The following EFCAB12 variants were observed in gnomAD, a reference collection of about 807,000 sequenced individuals.
EFCAB12 encodes EF-hand calcium-binding domain-containing protein 12.
A neutral mutation model predicts 53.6 loss-of-function variants in EFCAB12; 43 were observed. The observed-to-expected ratio is 0.80, with a 90% CI of 0.63 to 1.03. The LOEUF (loss-of-function observed/expected upper bound fraction) is 1.03, where lower values mean the gene tolerates loss of function less well. EFCAB12 is among the 50% of genes least tolerant of loss of function. The pLI, the probability that EFCAB12 is intolerant of heterozygous loss-of-function variation, is 0.00. For synonymous variants in EFCAB12, 269 were observed against 289.2 expected (o/e 0.93, Z 0.71); for missense variants, 646 against 730.6 (o/e 0.88, Z 1.34).
chr3:129,415,196 T>C (rs1248953206), intron 4 of EFCAB12, 49 bp downstream of exon 4: 1 of 1,534,840 alleles, frequency 6.5e-7, no homozygotes, highest in Non-Finnish European at 8.7e-7. Flanking sequence ...GCACCATGCT[T>C]GCTCCCAGGA....
rs1246443976 is a variant in EFCAB12 at position 129,401,699 on chromosome 3, T to C, written c.1613A>G (p.His538Arg). 6 of 1,593,500 alleles carry C rather than the reference T, an allele frequency of 3.8e-6. No individual in the cohort carries two copies. Among genetic ancestry groups the C allele is most frequent in the Admixed American group, 1.8e-5 (1 of 56,122 alleles). ...ALFSCVQHQP[H>R]VYPATYHPDH... ...AGGGTGGTAGGTGGCTGGGTAGACA[T>C]GGGGCTGGTGTTGAACACAACTGAA... Residue 538 changes from histidine to arginine, a missense_variant, in exon 9 of 9, where the codon CAT becomes CGT. Transcript: ENST00000505956.
rs777380685 is a variant in EFCAB12, at chr3:129,421,331, C to A, written c.486+36G>T. 10 of 1,568,434 alleles carry A rather than the reference C, an allele frequency of 6.4e-6. No homozygotes were observed. The South Asian group carries it at 1.2e-4, about 19-fold the overall frequency. Reference sequence around the variant, plus strand: ...ATAAAATAATGATGCATCCCTAAACCCTTGGTGTCTTCATCTGGCAAATGG... The same window carrying A: ...ATAAAATAATGATGCATCCCTAAACACTTGGTGTCTTCATCTGGCAAATGG... On this transcript the variant is annotated intron_variant, in intron 2 of 8. Transcript: ENST00000505956.
At chr3:129,425,621 C>A (rs974999603) in intron 1 of EFCAB12, among the ~76,000 whole-genome samples, 1 of 152,336 alleles carries the variant, frequency 6.6e-6, no homozygotes, top group East Asian at 1.9e-4. Context: ...GCCCACCAAA[C>A]CTCCTCAGGG....
At position 129,401,411 on chromosome 3, in the gene EFCAB12, A is replaced by G; in HGVS notation, c.*182T>C. On this transcript the variant is annotated 3_prime_UTR_variant, in exon 9 of 9. Coordinates refer to ENST00000505956, the MANE Select transcript of EFCAB12 (RefSeq NM_207307.3). ...AAAAACTGCACGTCATTCCTTGGACACATCTACCCTCTGAGACACTGGACA... is the reference window on the plus strand; with the variant it reads ...AAAAACTGCACGTCATTCCTTGGACGCATCTACCCTCTGAGACACTGGACA... The G allele has an allele frequency of 2.7e-6, 2 of 747,128 alleles. No individual in the cohort carries two copies. The highest frequency in any genetic ancestry group is 2.0e-6 in the Non-Finnish European group (1 of 496,342). 46.3% of individuals were successfully genotyped at this position (747,128 alleles called of 1,614,324 possible). A position where few individuals can be genotyped will look rare whatever the true frequency, so the allele number is the denominator to read the frequency against.
chr3:129,415,512 C>T (rs1036115936), intron 3 of EFCAB12, 111 bp from the exon 4 acceptor site: 15 of 1,360,976 alleles, frequency 1.1e-5, no homozygotes, highest in South Asian at 4.0e-5. Context: ...CAGTTTCATC[C>T]TCAACCACTC....
chr3:129,412,317 G>A (rs1024260507), intron 4 of EFCAB12: 1 of 152,242 alleles, frequency 6.6e-6, no homozygotes, highest in African/African-American at 2.4e-5. Context: ...AGGAATTTGA[G>A]GCTGCAGTAA....
chr3:129,421,290 A>G, intron 2 of EFCAB12, 77 bp downstream of exon 2: 1 of 1,441,530 alleles, frequency 6.9e-7, no homozygotes, highest in South Asian at 1.4e-5. Flanking sequence ...ATCCCTATCC[A>G]GCCTAACCCA....
At chr3:129,404,476 G>C (rs1169440143) in intron 6 of EFCAB12, 73 bp from the exon 7 acceptor site, 1 of 1,379,022 alleles carries the variant, frequency 7.3e-7, no homozygotes, top group Non-Finnish European at 9.5e-7. Context: ...TCTGGGGTCA[G>C]AGGAGGTGTT....
In EFCAB12 at chr3:129,406,048, T is replaced by TAAAA. The variant is rs528836223; in HGVS notation, c.1250-1649_1250-1646dup. 3.1e-3 allele frequency among the ~76,000 whole-genome samples: 424 copies of TAAAA among 137,852 alleles called. 7 individuals are homozygous for TAAAA. In the East Asian group the frequency reaches 0.044, roughly 14 times the overall value. The allele number at this position is 137,852 out of a possible 152,430, so 90.4% of individuals were successfully genotyped here. A position where few individuals can be genotyped will look rare whatever the true frequency, so the allele number is the denominator to read the frequency against. ...GGCAACAAAGCAAGACCCCATCTCT[T>TAAAA]AAAAAAAAAAAAAAAGTGGCTCGAT... On this transcript the variant is annotated intron_variant, in intron 6 of 8. Transcript: ENST00000505956.
intron 2 of EFCAB12, among the ~76,000 whole-genome samples, chr3:129,420,854 G>C (rs534303872): frequency 5.3e-5 from 8 of 152,330 alleles, no homozygotes; most frequent in Non-Finnish European, 1.0e-4. Context: ...TCAGAAGCTA[G>C]GTCTGAAAGG....
At chr3:129,426,427 C>T (rs545539014) in intron 1 of EFCAB12, among the ~76,000 whole-genome samples, 6 of 141,052 alleles carry the variant, frequency 4.3e-5, no homozygotes, top group South Asian at 4.7e-4. Flanking sequence ...TGCAGTGGCA[C>T]GATCTCGGCT....
chr3:129,401,854 G>A lies in EFCAB12; in HGVS notation c.1461-3C>T. 6.2e-7 allele frequency: 1 copy of A among 1,610,310 alleles called. No homozygotes were observed. Among genetic ancestry groups the A allele is most frequent in the Middle Eastern group, 1.7e-4 (1 of 6,024 alleles). ...TGGACCTCTTCACCTTCAGCTTCCT[G>A]GAAAACAAGAAGACACAGGGATGGT... is the stretch of plus-strand genomic sequence containing the variant. On this transcript the variant is annotated splice_polypyrimidine_tract_variant and splice_region_variant and intron_variant, in intron 8 of 8. Coordinates refer to ENST00000505956, the MANE Select transcript of EFCAB12 (RefSeq NM_207307.3).
rs2072034383 is a variant in EFCAB12, at chr3:129,411,204, A to T, written c.989T>A (p.Met330Lys). The change falls in exon 5 of 9, where the codon ATG becomes AAG. Residue 330 changes from methionine to lysine, a missense_variant. Coordinates refer to ENST00000505956, the MANE Select transcript of EFCAB12 (RefSeq NM_207307.3). ...METRPMTLEE[M>K]EEVGKRYRER... is the part of the protein sequence containing the mutation. The stretch of plus-strand genomic sequence containing the variant: ...GCGGTACCGCTTGCCCACTTCCTCC[A>T]TCTCCTCCAGGGTCATGGGCCGCGT... The T allele has an allele frequency of 1.1e-5, 17 of 1,612,810 alleles. No individual in the cohort carries two copies. Among genetic ancestry groups the T allele is most frequent in the Non-Finnish European group, 1.3e-5 (15 of 1,179,484 alleles).
intron 3 of EFCAB12, among the ~76,000 whole-genome samples, 156 bp from the exon 4 acceptor site, chr3:129,415,557 G>C (rs1038777553): frequency 6.6e-6 from 1 of 152,154 alleles, no homozygotes; most frequent in Admixed American, 6.5e-5. Flanking sequence ...GCAGCTCAGA[G>C]CCCTTTCCCG....
At chr3:129,421,088 T>C (rs958432405) in intron 2 of EFCAB12, among the ~76,000 whole-genome samples, 1 of 152,230 alleles carries the variant, frequency 6.6e-6, no homozygotes, top group Non-Finnish European at 1.5e-5. Context: ...TGCAACCTCA[T>C]GAGAGACTCT....
rs541256135 is a variant in EFCAB12 at position 129,424,202 on chromosome 3, A to G, written c.50-2399T>C. Among the ~76,000 whole-genome samples, 6 of 152,336 alleles carry G rather than the reference A, an allele frequency of 3.9e-5. No individual in the cohort carries two copies. In the East Asian group the frequency reaches 1.2e-3, roughly 29 times the overall value. ...AAGTGGACATTCAGTACATTTGTTA[A>G]GTCTCTTTACAAGGCCCATGTGTTC... is the stretch of plus-strand genomic sequence containing the variant. On this transcript the variant is annotated intron_variant, in intron 1 of 8. Transcript: ENST00000505956.
chr3:129,425,182 G>A (rs918177326), intron 1 of EFCAB12, among the ~76,000 whole-genome samples: 10 of 152,048 alleles, frequency 6.6e-5, no homozygotes, highest in African/African-American at 2.4e-4. Context: ...CTCCCCACAG[G>A]TCTTGCTGCT....
intron 5 of EFCAB12, among the ~76,000 whole-genome samples, chr3:129,409,519 A>G (rs2072003076): frequency 6.6e-6 from 1 of 152,214 alleles, no homozygotes; most frequent in Admixed American, 6.5e-5. Flanking sequence ...CTTGAGGTGA[A>G]AGCCATGAGC....
rs2107736814 is a variant in EFCAB12 at position 129,408,717 on chromosome 3, G to C, written c.1177C>G (p.Leu393Val). 6.3e-7 allele frequency: 1 copy of C among 1,588,602 alleles called. No homozygotes were observed. Among genetic ancestry groups the C allele is most frequent in the South Asian group, 1.1e-5 (1 of 87,046 alleles). Residue 393 changes from leucine to valine, a missense_variant, in exon 6 of 9, where the codon CTG becomes GTG. Physicochemically the swap from Leu to Val is conservative, Grantham distance 32. Coordinates refer to ENST00000505956, the MANE Select transcript of EFCAB12 (RefSeq NM_207307.3). ...LIDSARRHNF[L>V]VYLQCWKLCK... ...AGCTTCCAGCATTGCAGGTAGACCA[G>C]AAAGTTGTGCCTGCGGGCCGAGTCA...
Sources: allele counts gnomAD v4.1 joint callset (sites outside exome capture counted in the v4.1 genomes callset), GRCh38; gene constraint gnomAD v4.1.1; transcripts MANE v1.5; gene names NCBI Gene and HGNC (gene_info 2026-07-23, HGNC 2026-07-21).